AGER: variants seen among roughly 807,000 people sequenced by gnomAD.
The protein encoded by AGER is advanced glycosylation end-product specific receptor.
In AGER, 46 loss-of-function variants were observed where a neutral mutation model predicts 48.8. The ratio of observed to expected loss-of-function variants is 0.94; its 90% confidence interval spans 0.74 to 1.20. The LOEUF is 1.20. Among genes scored for constraint, AGER ranks in the 50% most tolerant of loss-of-function variants. AGER has a pLI of 0.00. For missense variants in AGER, 489 were observed against 515.0 expected, an observed-to-expected ratio of 0.95 and a Z score of 0.49; for synonymous variants, 170 against 199.9, an observed-to-expected ratio of 0.85 and a Z score of 1.26.
chr6:32,181,043 T>C lies in AGER; in HGVS notation c.*100A>G, dbSNP rs569295409. The C allele has an allele frequency of 2.4e-6, 3 of 1,264,810 alleles. No individual in the cohort carries two copies. In the African/African-American group the frequency reaches 4.5e-5, roughly 19 times the overall value. 78.3% of individuals were successfully genotyped at this position (1,264,810 alleles called of 1,614,324 possible). ...AAGAAAGCTTGGCAAGGTGGGGTTA[T>C]ACAGGAGAGAGATTATACAGGAGAG... On this transcript the variant is annotated 3_prime_UTR_variant, in exon 11 of 11. Coordinates refer to ENST00000375076, the MANE Select transcript of AGER (RefSeq NM_001136.5). The surrounding 1 kb of genome is among the most constrained non-coding windows in gnomAD (Gnocchi z 4.1).
chr6:32,183,642 CG>C lies in AGER; in HGVS notation c.267del (p.Ile91SerfsTer12). On this transcript the variant is annotated frameshift_variant, in exon 3 of 11. Coordinates refer to ENST00000375076, the MANE Select transcript of AGER (RefSeq NM_001136.5). LOFTEE classifies it high-confidence loss of function. ...LPNGSLFLPA[V>X]GIQDEGIFRC... ...CGGAAAATCCCCTCATCCTGGATCCCGACAGCCGGAAGGAAGAGGGAGCCGT... is the reference window on the plus strand; with the variant it reads ...CGGAAAATCCCCTCATCCTGGATCCCACAGCCGGAAGGAAGAGGGAGCCGT... 1 of 1,613,048 alleles carries C rather than the reference CG, an allele frequency of 6.2e-7. No homozygotes were observed. Among genetic ancestry groups the C allele is most frequent in the Non-Finnish European group, 8.5e-7 (1 of 1,180,020 alleles).
At position 32,182,430 on chromosome 6, in the gene AGER, T is replaced by G. The variant is rs755557287; in HGVS notation, c.823-42A>C. The G allele has an allele frequency of 7.5e-6, 12 of 1,593,794 alleles. No homozygotes were observed. The East Asian group carries it at 2.5e-4, about 33-fold the overall frequency. The stretch of plus-strand genomic sequence containing the variant: ...AGAGGAGACTATTTCAAAACCCTTG[T>G]CTTTTTGTCTCCATATCTTCAGATA... On this transcript the variant is annotated intron_variant, in intron 7 of 10. Coordinates refer to ENST00000375076, the MANE Select transcript of AGER (RefSeq NM_001136.5). This position sits in a 1 kb window ranked among gnomAD's most constrained non-coding sequence, Gnocchi z 5.1.
chr6:32,182,793 TC>T lies in AGER; in HGVS notation c.691+47del, dbSNP rs749422575. 6.2e-7 allele frequency: 1 copy of T among 1,612,696 alleles called. No individual in the cohort carries two copies. The highest frequency in any genetic ancestry group is 1.7e-5 in the Admixed American group (1 of 60,020). ...TCCCTCTTTCCCTAAGGGTCAGACT[TC>T]CAGAACGTGCTCACGTGAGCTTGGG... On this transcript the variant is annotated intron_variant, in intron 6 of 10. Coordinates refer to ENST00000375076, the MANE Select transcript of AGER (RefSeq NM_001136.5). This position sits in a 1 kb window ranked among gnomAD's most constrained non-coding sequence, Gnocchi z 5.1.
In AGER at chr6:32,183,694, C is replaced by G; in HGVS notation, c.216G>C (p.Trp72Cys). 6.2e-7 allele frequency: 1 copy of G among 1,613,090 alleles called. No homozygotes were observed. The highest frequency in any genetic ancestry group is 8.5e-7 in the Non-Finnish European group (1 of 1,180,026). The change falls in exon 3 of 11, where the codon TGG (tryptophan) becomes TGC (cysteine). Residue 72 changes from tryptophan to cysteine, a missense_variant. Physicochemically the swap from Trp to Cys is radical, Grantham distance 215. Transcript: ENST00000375076. ...KVLSPQGGGP[W>C]DSVARVLPNG... Reference sequence around the variant, plus strand: ...TGGGAAGGACACGAGCCACACTGTCCCAGGGGCCTCCTCCCTGGGGAGACA... The same window carrying G: ...TGGGAAGGACACGAGCCACACTGTCGCAGGGGCCTCCTCCCTGGGGAGACA...
Position 32,182,498 on chromosome 6 carries a change from AGCCCTCT to A in AGER, c.822+63_822+69del. On this transcript the variant is annotated intron_variant, in intron 7 of 10. Coordinates refer to ENST00000375076, the MANE Select transcript of AGER (RefSeq NM_001136.5). The surrounding 1 kb of genome is among the most constrained non-coding windows in gnomAD (Gnocchi z 5.1). ...GCTCCTAGCCTGCCTTTCCCTCGTT[AGCCCTCT>A]GCCCTCCCTGTTGCTAGTTATGGTT... 1 of 1,596,012 alleles carries A rather than the reference AGCCCTCT, an allele frequency of 6.3e-7. No individual in the cohort carries two copies. The highest frequency in any genetic ancestry group is 8.6e-7 in the Non-Finnish European group (1 of 1,169,146).
chr6:32,182,202 T>TG lies in AGER; in HGVS notation c.964+44dup, dbSNP rs759048648. The stretch of plus-strand genomic sequence containing the variant: ...CAGGAAATTAGAGCCTGTGCTGTCC[T>TG]GCACCCTAGTCCCAGGGTCTGTAGG... On this transcript the variant is annotated intron_variant, in intron 8 of 10. Transcript: ENST00000375076. This position sits in a 1 kb window ranked among gnomAD's most constrained non-coding sequence, Gnocchi z 5.1. The TG allele has an allele frequency of 6.2e-7, 1 of 1,611,990 alleles. No individual in the cohort carries two copies. Among genetic ancestry groups the TG allele is most frequent in the South Asian group, 1.1e-5 (1 of 91,086 alleles).
chr6:32,181,208 C>T lies in AGER; in HGVS notation c.1150G>A (p.Glu384Lys), dbSNP rs745528625. Reference sequence around the variant, plus strand: ...TCCGACTGATTCAGTTCTGCACGCTCCTCCTCTTCCTCCTGGTTTTCTGGG... The same window carrying T: ...TCCGACTGATTCAGTTCTGCACGCTTCTCCTCTTCCTCCTGGTTTTCTGGG... ...KAPENQEEEE[E>K]RAELNQSEEP... The change falls in exon 11 of 11, where the codon GAG becomes AAG. Residue 384 changes from glutamate (E) to lysine (K), a missense_variant. By Grantham distance (56) the Glu-to-Lys change is moderately conservative. Transcript: ENST00000375076. The surrounding 1 kb of genome is among the most constrained non-coding windows in gnomAD (Gnocchi z 4.1). 5.0e-6 allele frequency: 8 copies of T among 1,614,164 alleles called. No homozygotes were observed. In the East Asian group the frequency reaches 6.7e-5, roughly 13 times the overall value.
rs1221965926 is a variant in AGER, at chr6:32,182,731, T to TAA, written c.692-34_692-33insTT. On this transcript the variant is annotated intron_variant, in intron 6 of 10. Transcript: ENST00000375076. This position sits in a 1 kb window ranked among gnomAD's most constrained non-coding sequence, Gnocchi z 5.1. ...TTGGAAGGGTTTTGAGGTGGAGAGT[T>TAA]ACACTTGTGAGTGATCCCAGTGGCC... 2 of 1,612,900 alleles carry TAA rather than the reference T, an allele frequency of 1.2e-6. No homozygotes were observed. The highest frequency in any genetic ancestry group is 2.7e-5 in the African/African-American group (2 of 74,894).
At chr6:32,183,048 T>C (rs748518688) in intron 5 of AGER, 25 bp from the exon 6 acceptor site, 1 of 1,613,006 alleles carries the variant, frequency 6.2e-7, no homozygotes, top group African/African-American at 1.3e-5. Flanking sequence ...TAAGACAAAT[T>C]ATCCCAGGGT....
At chr6:32,184,029 G>A (rs769113400) in intron 1 of AGER, 42 bp from the exon 2 acceptor site, 9 of 1,612,330 alleles carry the variant, frequency 5.6e-6, no homozygotes, top group East Asian at 2.2e-5. Flanking sequence ...AAGGGAATGA[G>A]GGCTAACAAA....
In AGER at chr6:32,182,733, C is replaced by G; in HGVS notation, c.692-35G>C. 6.2e-7 allele frequency: 1 copy of G among 1,613,048 alleles called. No individual in the cohort carries two copies. Among genetic ancestry groups the G allele is most frequent in the Non-Finnish European group, 8.5e-7 (1 of 1,180,020 alleles). On this transcript the variant is annotated intron_variant, in intron 6 of 10. Transcript: ENST00000375076. This position sits in a 1 kb window ranked among gnomAD's most constrained non-coding sequence, Gnocchi z 5.1. ...GGAAGGGTTTTGAGGTGGAGAGTTA[C>G]ACTTGTGAGTGATCCCAGTGGCCAT...
rs780142364 is a variant in AGER at position 32,183,876 on chromosome 6, C to A, written c.159+5G>T. On this transcript the variant is annotated splice_donor_5th_base_variant and intron_variant, in intron 2 of 10. Transcript: ENST00000375076. The stretch of plus-strand genomic sequence containing the variant: ...TTGGGAGGCTGCAACAGGAGCCCCG[C>A]TTACCAGTTTCCATTCCAGCCGCTG... The A allele has an allele frequency of 6.2e-7, 1 of 1,613,054 alleles. No individual in the cohort carries two copies. Among genetic ancestry groups the A allele is most frequent in the Admixed American group, 1.7e-5 (1 of 60,032 alleles).
At position 32,181,809 on chromosome 6, in the gene AGER, C is replaced by T. The variant is rs1021998614; in HGVS notation, c.965-177G>A. On this transcript the variant is annotated intron_variant, in intron 8 of 10. Coordinates refer to ENST00000375076, the MANE Select transcript of AGER (RefSeq NM_001136.5). This position sits in a 1 kb window ranked among gnomAD's most constrained non-coding sequence, Gnocchi z 4.1. ...CTTGGCTCATCGCAATCTATGCCTC[C>T]TGGGTTCAAGCAATTCTCCTGCCTC... Among the ~76,000 whole-genome samples, 2 of 152,126 alleles carry T rather than the reference C, an allele frequency of 1.3e-5. No individual in the cohort carries two copies. Among genetic ancestry groups the T allele is most frequent in the African/African-American group, 4.8e-5 (2 of 41,428 alleles).
chr6:32,182,332 A>G lies in AGER; in HGVS notation c.879T>C (p.Pro293=). 3 of 1,611,866 alleles carry G rather than the reference A, an allele frequency of 1.9e-6. No individual in the cohort carries two copies. Among genetic ancestry groups the G allele is most frequent in the Non-Finnish European group, 2.5e-6 (3 of 1,179,432 alleles). The change falls in exon 8 of 11, where the codon CCT becomes CCC. Residue 293 remains proline (P), a synonymous_variant. Coordinates refer to ENST00000375076, the MANE Select transcript of AGER (RefSeq NM_001136.5). The surrounding 1 kb of genome is among the most constrained non-coding windows in gnomAD (Gnocchi z 5.1). Reference sequence around the variant, plus strand: ...CACAGCTGTAGGTTCCCTGGTCCTGAGGCCCTATCTCAGGGAGGATCAGCA... The same window carrying G: ...CACAGCTGTAGGTTCCCTGGTCCTGGGGCCCTATCTCAGGGAGGATCAGCA... ...SPVLILPEIG[P]QDQGTYSCVA...
chr6:32,184,071 G>A (rs1786775520), intron 1 of AGER, 84 bp from the exon 2 acceptor site: 1 of 1,608,290 alleles, frequency 6.2e-7, no homozygotes, highest in East Asian at 2.2e-5. Context: ...GACCTTGAAA[G>A]GCACTTCCTC....
chr6:32,183,670 G>A lies in AGER; in HGVS notation c.240C>T (p.Pro80=). The change falls in exon 3 of 11, where the codon CCC becomes CCT. Residue 80 remains proline, a synonymous_variant. Coordinates refer to ENST00000375076, the MANE Select transcript of AGER (RefSeq NM_001136.5). ...GPWDSVARVL[P]NGSLFLPAVG... is the part of the protein sequence containing the mutation. ...CAGCCGGAAGGAAGAGGGAGCCGTT[G>A]GGAAGGACACGAGCCACACTGTCCC... 2 of 1,613,082 alleles carry A rather than the reference G, an allele frequency of 1.2e-6. No individual in the cohort carries two copies. Among genetic ancestry groups the A allele is most frequent in the Non-Finnish European group, 1.7e-6 (2 of 1,180,020 alleles).
chr6:32,181,148 G>T lies in AGER; in HGVS notation c.1210C>A (p.Pro404Thr). The T allele has an allele frequency of 6.2e-7, 1 of 1,614,152 alleles. No homozygotes were observed. Among genetic ancestry groups the T allele is most frequent in the South Asian group, 1.1e-5 (1 of 91,084 alleles). The change falls in exon 11 of 11, where the codon CCT becomes ACT. Residue 404 changes from proline (P) to threonine (T), a missense_variant. Pro to Thr is a conservative substitution (Grantham distance 38, BLOSUM62 -1). Coordinates refer to ENST00000375076, the MANE Select transcript of AGER (RefSeq NM_001136.5). This position sits in a 1 kb window ranked among gnomAD's most constrained non-coding sequence, Gnocchi z 4.1. ...GGGATCTGTCTGTGGGCCCCTCAAG[G>T]CCCTCCAGTACTACTCTCGCCTGCC... The part of the protein sequence containing the change: ...PEAGESSTGG[P>T]
At chr6:32,184,066 T>C (rs1050723889) in intron 1 of AGER, 79 bp from the exon 2 acceptor site, 1 of 1,608,566 alleles carries the variant, frequency 6.2e-7, no homozygotes, top group Non-Finnish European at 8.5e-7. Context: ...TGAGGGACCT[T>C]GAAAGGCACT....
Position 32,183,191 on chromosome 6 carries a change from C to G in AGER, c.431G>C (p.Cys144Ser). The change falls in exon 5 of 11, where the codon TGT (cysteine) becomes TCT (serine). Residue 144 changes from cysteine (C) to serine (S), a missense_variant. Coordinates refer to ENST00000375076, the MANE Select transcript of AGER (RefSeq NM_001136.5). Reference protein sequence around the residue: ...TAGVPNKVGTCVSEGSYPAGT... With the variant: ...TAGVPNKVGTSVSEGSYPAGT... ...TGCAGGGTAGCTTCCCTCTGACACA[C>G]ATGTCCCCACCTGGGGAAAGAGTGG... 6.2e-7 allele frequency: 1 copy of G among 1,613,124 alleles called. No individual in the cohort carries two copies. Among genetic ancestry groups the G allele is most frequent in the South Asian group, 1.1e-5 (1 of 91,086 alleles).
Sources: gnomAD v4.1 joint callset for allele counts (sites outside exome capture counted in the v4.1 genomes callset) on GRCh38, gnomAD v4.1.1 for gene constraint, Gnocchi (gnomAD v3.1) non-coding constraint, MANE v1.5 for transcripts, NCBI Gene and HGNC (gene_info 2026-07-23, HGNC 2026-07-21) for gene names.